The following XPA variants were observed in gnomAD, a reference collection of about 807,000 sequenced individuals.
XPA encodes the protein XPA, DNA damage recognition and repair factor, also known as DNA repair protein complementing XP-A cells.
In XPA, 27 loss-of-function variants were observed where a neutral mutation model predicts 35.7. The ratio of observed to expected loss-of-function variants is 0.76; its 90% CI spans 0.56 to 1.04. XPA has a LOEUF of 1.04. Ranked by LOEUF, XPA falls within the 50% of genes least tolerant of loss-of-function variation. XPA has a pLI of 0.00. For synonymous variants in XPA, 133 were observed against 118.4 expected (o/e 1.12, Z -0.80); for missense variants, 354 against 342.7 (o/e 1.03, Z -0.26).
chr9:97,671,216 A>G, downstream of XPA: 1 of 1,520,504 alleles, frequency 6.6e-7, no homozygotes, highest in Non-Finnish European at 9.0e-7. Flanking sequence ...TTTTTTCCTC[A>G]TGTCAAGGTT....
chr9:97,687,009 CTG>C (rs1490517992), intron 4 of XPA, 85 bp downstream of exon 4: 4 of 1,395,642 alleles, frequency 2.9e-6, no homozygotes, highest in Non-Finnish European at 3.9e-6. Flanking sequence ...TTTCCACACT[CTG>C]TAAGCAAAAG....
chr9:97,655,689 C>T, the XPA span: 1 of 1,602,396 alleles, frequency 6.2e-7, no homozygotes, highest in Non-Finnish European at 8.5e-7. Context: ...CTACCTCCCC[C>T]TTCTCTACGT....
At chr9:97,668,009 T>C in the XPA span, among the ~76,000 whole-genome samples, 236 of 152,314 alleles carry the variant, frequency 1.5e-3, 1 homozygote, top group African/African-American at 5.5e-3. Context: ...AGCAAGATTC[T>C]GTGATATCCG....
chr9:97,693,538 T>C, intron 2 of XPA, 111 bp downstream of exon 2: 1 of 938,256 alleles, frequency 1.1e-6, no homozygotes, highest in Non-Finnish European at 1.7e-6. Flanking sequence ...AAAGATAATG[T>C]ACTCACTGAT....
the XPA span, among the ~76,000 whole-genome samples, chr9:97,657,334 T>C: frequency 1.3e-5 from 2 of 152,220 alleles, no homozygotes; most frequent in Non-Finnish European, 2.9e-5. Flanking sequence ...CCTTCAGTCT[T>C]GAACACTTAA....
chr9:97,661,184 T>C, the XPA span: 4 of 1,289,712 alleles, frequency 3.1e-6, no homozygotes, highest in Non-Finnish European at 4.2e-6. Flanking sequence ...GTTTGACCTG[T>C]TCAGACTGTT....
At chr9:97,656,821 C>T in the XPA span, among the ~76,000 whole-genome samples, 1 of 152,124 alleles carries the variant, frequency 6.6e-6, no homozygotes, top group Non-Finnish European at 1.5e-5. Flanking sequence ...AAAACAAAAC[C>T]ACTCTCCTAC....
At chr9:97,663,421 T>G in the XPA span, among the ~76,000 whole-genome samples, 1 of 152,192 alleles carries the variant, frequency 6.6e-6, no homozygotes, top group African/African-American at 2.4e-5. Context: ...AAAACATTGT[T>G]TTACATTTAA....
chr9:97,669,945 T>G, downstream of XPA: 1 of 497,480 alleles, frequency 2.0e-6, no homozygotes. Flanking sequence ...TTTTTTGAGA[T>G]GGCATCTCAC....
downstream of XPA, among the ~76,000 whole-genome samples, chr9:97,670,875 T>A (rs1241631811): frequency 6.6e-6 from 1 of 152,232 alleles, no homozygotes; most frequent in Non-Finnish European, 1.5e-5. Context: ...CTGGATTTTT[T>A]AAAAAGCTAT....
intron 2 of XPA, among the ~76,000 whole-genome samples, chr9:97,691,861 G>A (rs892971530): frequency 5.5e-5 from 8 of 146,740 alleles, no homozygotes; most frequent in Non-Finnish European, 9.0e-5. Flanking sequence ...CCAGGCTGGC[G>A]ACAGAGCAAG....
chr9:97,658,752 T>A, the XPA span: 1 of 1,556,994 alleles, frequency 6.4e-7, no homozygotes, highest in Non-Finnish European at 8.9e-7. Context: ...CAGTAAGTAA[T>A]GAAACTAATC....
At chr9:97,660,333 A>G in the XPA span, among the ~76,000 whole-genome samples, 1 of 152,202 alleles carries the variant, frequency 6.6e-6, no homozygotes, top group Non-Finnish European at 1.5e-5. Flanking sequence ...CTTACGGTGT[A>G]TATTAGCACA....
the XPA span, chr9:97,664,215 T>TCC: frequency 2.5e-5 from 14 of 554,772 alleles, no homozygotes; most frequent in South Asian, 3.1e-4. Flanking sequence ...ATCAATCAAT[T>TCC]CCATAGCCAC....
chr9:97,674,674 G>C (rs909116495), downstream of XPA, among the ~76,000 whole-genome samples: 2 of 152,206 alleles, frequency 1.3e-5, no homozygotes, highest in Non-Finnish European at 2.9e-5. Flanking sequence ...ATGGAAGCAA[G>C]CCTGGGACTA....
the XPA span, chr9:97,658,698 C>T: frequency 6.2e-7 from 1 of 1,613,384 alleles, no homozygotes; most frequent in Non-Finnish European, 8.5e-7. Flanking sequence ...AGCTCTGTGT[C>T]CTGCAAACCC....
At chr9:97,687,059 C>T in intron 4 of XPA, 37 bp downstream of exon 4, 1 of 1,581,320 alleles carries the variant, frequency 6.3e-7, no homozygotes, top group Non-Finnish European at 8.6e-7. Context: ...TAAGAATTTA[C>T]CAGAGTGAAA....
chr9:97,697,255 G>C lies in XPA; in HGVS notation c.38C>G (p.Ala13Gly), dbSNP rs778123456. ...AGGCAGCTCCGCGGGTTGCTCTAAAGCCGCCGCCTCCGGCAAAGCCCCGTC... is the reference window on the plus strand; with the variant it reads ...AGGCAGCTCCGCGGGTTGCTCTAAACCCGCCGCCTCCGGCAAAGCCCCGTC... ...AADGALPEAA[A>G]LEQPAELPAS... Residue 13 changes from alanine to glycine, a missense_variant, in exon 1 of 6, where the codon GCT (alanine) becomes GGT (glycine). Coordinates refer to ENST00000375128, the MANE Select transcript of XPA (RefSeq NM_000380.4). The C allele has an allele frequency of 6.3e-7, 1 of 1,599,834 alleles. No individual in the cohort carries two copies. The highest frequency in any genetic ancestry group is 8.5e-7 in the Non-Finnish European group (1 of 1,179,230).
rs1828315276 is a variant in XPA at position 97,675,220 on chromosome 9, T to A, written c.*219A>T. 1 of 658,034 alleles carries A rather than the reference T, an allele frequency of 1.5e-6. No homozygotes were observed. Among genetic ancestry groups the A allele is most frequent in the Admixed American group, 2.1e-5 (1 of 48,312 alleles). The allele number at this position is 658,034 out of a possible 1,614,324, so 40.8% of individuals were successfully genotyped here. A position where few individuals can be genotyped will look rare whatever the true frequency, so the allele number is the denominator to read the frequency against. ...TCCCATCTCTGTTGTAAGAAGGCAA[T>A]CACAGACATGACATTGTGCACACAA... On this transcript the variant is annotated 3_prime_UTR_variant, in exon 6 of 6. Transcript: ENST00000375128.
Sources: allele counts gnomAD v4.1 joint callset (sites outside exome capture counted in the v4.1 genomes callset), GRCh38; gene constraint gnomAD v4.1.1; transcripts MANE v1.5; gene names NCBI Gene and HGNC (gene_info 2026-07-23, HGNC 2026-07-21).